TMC7: variants seen among roughly 807,000 people sequenced by gnomAD.
TMC7 encodes transmembrane channel-like protein 7.
Under a neutral mutation model 82.9 loss-of-function variants are expected in TMC7, and 54 were observed. That is an observed-to-expected ratio of 0.65 (90% CI 0.52 to 0.82). The LOEUF is 0.82. TMC7 is among the 40% of genes least tolerant of loss of function. TMC7 has a pLI of 0.00. For synonymous variants in TMC7, 350 were observed against 337.9 expected (o/e 1.04, Z -0.39); for missense variants, 820 against 901.2 (o/e 0.91, Z 1.15).
chr16:19,035,846 G>T, intron 7 of TMC7, 23 bp downstream of exon 7: 1 of 1,549,254 alleles, frequency 6.5e-7, no homozygotes, highest in South Asian at 1.3e-5. Context: ...GAGTTTGTCC[G>T]TGGTGGGGTC....
intron 1 of TMC7, among the ~76,000 whole-genome samples, chr16:18,993,727 C>A (rs943762221): frequency 3.3e-5 from 5 of 152,158 alleles, no homozygotes; most frequent in Non-Finnish European, 5.9e-5. Flanking sequence ...TGAGGACATT[C>A]TTTCTGCCCA....
At chr16:19,021,576 T>C (rs547686436) in intron 3 of TMC7, 53 bp from the exon 4 acceptor site, 1 of 1,586,708 alleles carries the variant, frequency 6.3e-7, no homozygotes, top group South Asian at 1.1e-5. Flanking sequence ...GAATCTATGA[T>C]GTGTAGTGTA....
chr16:19,008,797 A>G (rs909738670), intron 1 of TMC7, among the ~76,000 whole-genome samples: 13 of 152,124 alleles, frequency 8.5e-5, no homozygotes, highest in Non-Finnish European at 1.5e-4. Flanking sequence ...TATACCCTAC[A>G]CTGTGGGAGG....
chr16:18,999,737 A>G (rs147076939), intron 1 of TMC7, among the ~76,000 whole-genome samples: 10 of 151,154 alleles, frequency 6.6e-5, no homozygotes, highest in African/African-American at 2.4e-4. Flanking sequence ...AGCAGCTTCA[A>G]CTAGAGTCTG....
intron 4 of TMC7, 117 bp downstream of exon 4, chr16:19,021,913 G>T: frequency 8.0e-7 from 1 of 1,257,430 alleles, no homozygotes. Flanking sequence ...TATTAGTCAG[G>T]ATGGTCTAGG....
Position 19,063,471 on chromosome 16 carries a change from T to G in TMC7, c.*1628T>G, listed in dbSNP as rs1962089241. On this transcript the variant is annotated 3_prime_UTR_variant, in exon 16 of 16. Coordinates refer to ENST00000304381, the MANE Select transcript of TMC7 (RefSeq NM_024847.4). ...GGGAGGCTGAGGCATGAGAATCACT[T>G]GAACCTGGGAGGTGAAGGCTGCAGT... is the stretch of plus-strand genomic sequence containing the variant. 1 of 152,210 alleles carries G rather than the reference T, an allele frequency of 6.6e-6. No individual in the cohort carries two copies. The highest frequency in any genetic ancestry group is 6.6e-5 in the Admixed American group (1 of 15,260). The allele number at this position is 152,210 out of a possible 1,614,324, so 9.4% of individuals were successfully genotyped here. A position where few individuals can be genotyped will look rare whatever the true frequency, so the allele number is the denominator to read the frequency against.
chr16:19,009,865 C>G (rs1333782207), intron 2 of TMC7, among the ~76,000 whole-genome samples: 2 of 145,642 alleles, frequency 1.4e-5, no homozygotes, highest in Non-Finnish European at 3.0e-5. Flanking sequence ...GGCGTGAACC[C>G]GGGAGGCAGA....
intron 3 of TMC7, among the ~76,000 whole-genome samples, chr16:19,020,662 G>A (rs1226425821): frequency 6.6e-6 from 1 of 151,694 alleles, no homozygotes; most frequent in African/African-American, 2.4e-5. Flanking sequence ...GAGGTCAGGA[G>A]TTCGAGACCA....
chr16:19,015,654 T>C (rs1434412511), intron 2 of TMC7, among the ~76,000 whole-genome samples: 1 of 151,228 alleles, frequency 6.6e-6, no homozygotes, highest in Non-Finnish European at 1.5e-5. Flanking sequence ...CTCGGCTCAC[T>C]GCAAACTCCG....
chr16:18,990,019 C>T (rs1318157081), intron 1 of TMC7, among the ~76,000 whole-genome samples: 1 of 151,730 alleles, frequency 6.6e-6, no homozygotes, highest in African/African-American at 2.4e-5. Context: ...ATCATTAGTT[C>T]TTATAGGTTT....
chr16:19,021,370 T>C (rs944158238), intron 3 of TMC7, among the ~76,000 whole-genome samples: 2 of 152,218 alleles, frequency 1.3e-5, no homozygotes, highest in African/African-American at 4.8e-5. Flanking sequence ...TAGAGATTCA[T>C]ATAAGGAAAA....
At chr16:19,050,985 C>T (rs926571935) in intron 12 of TMC7, among the ~76,000 whole-genome samples, 3 of 152,194 alleles carry the variant, frequency 2.0e-5, no homozygotes, top group Non-Finnish European at 4.4e-5. Context: ...GTCCTGGCCT[C>T]AAGTGATCCT....
At chr16:18,998,482 C>T (rs894302502) in intron 1 of TMC7, among the ~76,000 whole-genome samples, 2 of 151,610 alleles carry the variant, frequency 1.3e-5, no homozygotes, top group African/African-American at 2.4e-5. Context: ...TGGCTGGACG[C>T]GGTGGCTCAC....
At chr16:18,984,280 GGA>G (rs1351513982) in intron 1 of TMC7, 150 bp downstream of exon 1, 8 of 1,337,542 alleles carry the variant, frequency 6.0e-6, no homozygotes, top group Non-Finnish European at 7.6e-6. Flanking sequence ...CAGGTGGGAA[GGA>G]GATCTTCCTT....
chr16:19,049,544 G>T, intron 12 of TMC7: 3 of 827,050 alleles, frequency 3.6e-6, no homozygotes, highest in Non-Finnish European at 4.4e-6. Context: ...AACACAGGTT[G>T]GCCGAAATCA....
At position 19,004,042 on chromosome 16, in the gene TMC7, TAAA is replaced by T. The variant is rs35057088; in HGVS notation, c.68-5115_68-5113del. ...AGAATTATCAATAAAAAAATAAATT[TAAA>T]AAAAAAAAAAAAAATACCAGGGCAA... is the stretch of plus-strand genomic sequence containing the variant. On this transcript the variant is annotated intron_variant, in intron 1 of 15. Coordinates refer to ENST00000304381, the MANE Select transcript of TMC7 (RefSeq NM_024847.4). Among the ~76,000 whole-genome samples the T allele has an allele frequency of 9.0e-3, 759 of 83,958 alleles. 3 individuals are homozygous for T. The highest frequency in any genetic ancestry group is 0.019 in the African/African-American group (399 of 21,208). The allele number at this position is 83,958 out of a possible 152,430, so 55.1% of individuals were successfully genotyped here. A position where few individuals can be genotyped will look rare whatever the true frequency, so the allele number is the denominator to read the frequency against.
At chr16:19,059,834 G>A (rs1469983755) in intron 15 of TMC7, 19 of 636,038 alleles carry the variant, frequency 3.0e-5, no homozygotes, top group Non-Finnish European at 4.2e-5. Flanking sequence ...AAAAGTAGTT[G>A]GGCGTGGTGG....
At chr16:19,007,688 T>A (rs1596734774) in intron 1 of TMC7, among the ~76,000 whole-genome samples, 2 of 150,270 alleles carry the variant, frequency 1.3e-5, no homozygotes, top group African/African-American at 4.9e-5. Context: ...AAAAAATAAA[T>A]AAATAAAATA....
At chr16:19,051,651 T>C (rs374796545) in intron 12 of TMC7, 35 bp from the exon 13 acceptor site, 4 of 1,610,898 alleles carry the variant, frequency 2.5e-6, no homozygotes, top group African/African-American at 1.3e-5. Context: ...GCTGTACTTA[T>C]TGATCTTAAT....
Sources: allele counts gnomAD v4.1 joint callset (sites outside exome capture counted in the v4.1 genomes callset), GRCh38; gene constraint gnomAD v4.1.1; transcripts MANE v1.5; gene names NCBI Gene and HGNC (gene_info 2026-07-23, HGNC 2026-07-21).